The following OGDHL variants were observed in gnomAD, a reference collection of about 807,000 sequenced individuals.
OGDHL encodes oxoglutarate dehydrogenase L, also known as 2-oxoglutarate dehydrogenase-like, mitochondrial.
OGDHL carries 79 observed loss-of-function variants against 109.6 expected under a neutral mutation model. That is an observed-to-expected ratio of 0.72 (90% CI 0.60 to 0.87). The LOEUF is 0.87. Among genes scored for constraint, OGDHL ranks in the 40% least tolerant of loss-of-function variants. OGDHL has a pLI of 0.00. For synonymous variants in OGDHL, 528 were observed against 537.2 expected (o/e 0.98, Z 0.24); for missense variants, 1,275 against 1,362.2 (o/e 0.94, Z 1.01).
At chr10:49,752,795 TC>T in intron 3 of OGDHL, 55 bp from the exon 4 acceptor site, 1 of 1,296,754 alleles carries the variant, frequency 7.7e-7, no homozygotes, top group Non-Finnish European at 1.1e-6. Flanking sequence ...ACAGACCTCC[TC>T]CAGGGTAAGG....
chr10:49,743,649 G>T, intron 14 of OGDHL: 1 of 197,592 alleles, frequency 5.1e-6, no homozygotes, highest in Non-Finnish European at 1.0e-5. Flanking sequence ...CCACGTTCCA[G>T]GCTGCGTTCC....
At position 49,744,762 on chromosome 10, in the gene OGDHL, G is replaced by C; in HGVS notation, c.1630-10C>G. ...ATTTGGCAATTTCTTCCTGGAATCA[G>C]GATGAAGATGTGGACAGAGCACCAA... On this transcript the variant is annotated splice_polypyrimidine_tract_variant and intron_variant, in intron 12 of 22. Transcript: ENST00000374103. 1 of 1,610,664 alleles carries C rather than the reference G, an allele frequency of 6.2e-7. No individual in the cohort carries two copies. Among genetic ancestry groups the C allele is most frequent in the Admixed American group, 1.7e-5 (1 of 60,020 alleles).
intron 3 of OGDHL, among the ~76,000 whole-genome samples, chr10:49,753,795 C>T (rs377494152): frequency 5.2e-4 from 78 of 149,142 alleles, no homozygotes; most frequent in African/African-American, 1.9e-3. Flanking sequence ...GAGGATGAGG[C>T]AGGAGAATCG....
Position 49,737,786 on chromosome 10 carries a change from C to T in OGDHL, c.2590G>A (p.Gly864Arg), listed in dbSNP as rs776399419. The change falls in exon 20 of 23, where the codon GGG becomes AGG. Residue 864 changes from glycine to arginine, a missense_variant and splice_region_variant. Gly to Arg is a moderately radical substitution (Grantham distance 125, BLOSUM62 -2). Coordinates refer to ENST00000374103, the MANE Select transcript of OGDHL (RefSeq NM_018245.3). ...CCACACACCCAGGCCAGGCACGTAC[C>T]GGATACCATTTGGTCAAAGCTGGAC... ...AKSSFDQMVS[G>R]TSFQRVIPED... is the part of the protein sequence containing the mutation. 1.4e-5 allele frequency: 23 copies of T among 1,614,044 alleles called. 1 individual carries two copies. Among genetic ancestry groups the T allele is most frequent in the South Asian group, 4.4e-5 (4 of 91,090 alleles).
chr10:49,751,430 G>A (rs1305483303), intron 6 of OGDHL, among the ~76,000 whole-genome samples: 1 of 122,674 alleles, frequency 8.2e-6, no homozygotes, highest in Admixed American at 8.7e-5. Flanking sequence ...AGCTGAGTCA[G>A]GTGCTCCCCC....
chr10:49,742,279 A>C (rs1230779755), intron 15 of OGDHL, among the ~76,000 whole-genome samples: 10 of 121,938 alleles, frequency 8.2e-5, no homozygotes, highest in African/African-American at 2.8e-4. Flanking sequence ...TCAACACACA[A>C]CACACACCAC....
At position 49,744,737 on chromosome 10, in the gene OGDHL, A is replaced by G. The variant is rs564585761; in HGVS notation, c.1645T>C (p.Tyr549His). 3.7e-6 allele frequency: 6 copies of G among 1,614,128 alleles called. No homozygotes were observed. The highest frequency in any genetic ancestry group is 4.5e-5 in the East Asian group (2 of 44,884). ...LQEFEEEIAK[Y>H]DRICEEAYGR... ...TAAGCCTCCTCACAGATCCGGTCGT[A>G]TTTGGCAATTTCTTCCTGGAATCAG... is the stretch of plus-strand genomic sequence containing the variant. Residue 549 changes from tyrosine (Y) to histidine (H), a missense_variant, in exon 13 of 23, where the codon TAC (tyrosine) becomes CAC (histidine). Transcript: ENST00000374103.
chr10:49,761,882 C>T (rs1198185142), intron 1 of OGDHL, among the ~76,000 whole-genome samples: 3 of 152,214 alleles, frequency 2.0e-5, no homozygotes, highest in Non-Finnish European at 4.4e-5. Context: ...CCCTCCCCAT[C>T]CCCCGCACAG....
At chr10:49,752,318 C>G in intron 4 of OGDHL, 70 bp from the exon 5 acceptor site, 1 of 1,163,666 alleles carries the variant, frequency 8.6e-7, no homozygotes, top group Non-Finnish European at 1.3e-6. Context: ...CAGGTGGAGC[C>G]CCGCAGTCTC....
At chr10:49,752,056 A>C (rs1305851924) in intron 5 of OGDHL, 75 bp from the exon 6 acceptor site, 18 of 1,609,672 alleles carry the variant, frequency 1.1e-5, no homozygotes, top group Non-Finnish European at 1.4e-5. Flanking sequence ...TAGAACAAAA[A>C]AGACAGTGCC....
chr10:49,736,670 A>C, intron 20 of OGDHL, 150 bp from the exon 21 acceptor site: 2 of 808,014 alleles, frequency 2.5e-6, no homozygotes, highest in Non-Finnish European at 3.8e-6. Flanking sequence ...CTTGAACTAA[A>C]AGATGGAGCA....
intron 2 of OGDHL, 54 bp from the exon 3 acceptor site, chr10:49,757,000 G>A (rs1304751967): frequency 1.3e-6 from 2 of 1,560,502 alleles, no homozygotes; most frequent in Admixed American, 1.8e-5. Context: ...GAAGAGTCAG[G>A]GGTGGCCCAG....
chr10:49,737,677 A>G, intron 20 of OGDHL, 109 bp downstream of exon 20: 1 of 1,214,018 alleles, frequency 8.2e-7, no homozygotes, highest in Non-Finnish European at 1.2e-6. Context: ...GCTGCAGGTC[A>G]GCAGAGCCAC....
intron 1 of OGDHL, among the ~76,000 whole-genome samples, chr10:49,761,923 C>T (rs1412255482): frequency 1.3e-5 from 2 of 152,226 alleles, no homozygotes; most frequent in African/African-American, 4.8e-5. Flanking sequence ...CCCCTGGCCA[C>T]GGAAGGCGCG....
At chr10:49,738,326 G>T (rs1841376218) in intron 17 of OGDHL, 64 bp from the exon 18 acceptor site, 1 of 1,572,972 alleles carries the variant, frequency 6.4e-7, no homozygotes. Context: ...TGGCCCTGCA[G>T]GGACCCCAGG....
intron 5 of OGDHL, 44 bp from the exon 6 acceptor site, chr10:49,752,025 A>T: frequency 6.2e-7 from 1 of 1,612,580 alleles, no homozygotes; most frequent in South Asian, 1.1e-5. Flanking sequence ...GGGAAGAGGG[A>T]CGGCTGACAT....
Position 49,746,810 on chromosome 10 carries a change from G to A in OGDHL, c.1236C>T (p.His412=), listed in dbSNP as rs1375565612. The change falls in exon 10 of 23, where the codon CAC becomes CAT. Residue 412 remains histidine, a synonymous_variant. Coordinates refer to ENST00000374103, the MANE Select transcript of OGDHL (RefSeq NM_018245.3). ...TCGTGTAGGAGGGCAGGTCGCTCAGGTGGAAGGTCTCATATACCACGCCCT... is the reference window on the plus strand; with the variant it reads ...TCGTGTAGGAGGGCAGGTCGCTCAGATGGAAGGTCTCATATACCACGCCCT... ...AGQGVVYETF[H]LSDLPSYTTN... 1.2e-5 allele frequency: 19 copies of A among 1,614,034 alleles called. No homozygotes were observed. The highest frequency in any genetic ancestry group is 1.7e-5 in the Admixed American group (1 of 60,010).
chr10:49,762,176 T>TC (rs1334912290), intron 1 of OGDHL, 63 bp downstream of exon 1: 6 of 152,140 alleles, frequency 3.9e-5, no homozygotes, highest in Admixed American at 2.0e-4. Context: ...GTGGGGCCGG[T>TC]CCCCAGGACG....
chr10:49,748,762 A>ACG (rs1554820956), intron 8 of OGDHL, among the ~76,000 whole-genome samples: 1 of 146,202 alleles, frequency 6.8e-6, no homozygotes, highest in East Asian at 1.9e-4. Context: ...ACACACACAC[A>ACG]CACACACACA....
Sources: gnomAD v4.1 joint callset for allele counts (sites outside exome capture counted in the v4.1 genomes callset) on GRCh38, gnomAD v4.1.1 for gene constraint, MANE v1.5 for transcripts, NCBI Gene and HGNC (gene_info 2026-07-23, HGNC 2026-07-21) for gene names.